NEMP2: variants seen among roughly 807,000 people sequenced by gnomAD.
NEMP2 encodes UPF0571 transmembrane protein.
Under a neutral mutation model 54.2 loss-of-function variants are expected in NEMP2, and 53 were observed. That is an observed-to-expected ratio of 0.98 (90% CI 0.78 to 1.23). The LOEUF (loss-of-function observed/expected upper bound fraction) is 1.23, where lower values mean the gene tolerates loss of function less well. Among genes scored for constraint, NEMP2 ranks in the 50% most tolerant of loss-of-function variants. NEMP2 has a pLI of 0.00. For missense variants in NEMP2, 455 were observed against 511.3 expected (o/e 0.89, Z 1.06); for synonymous variants, 197 against 190.3 (o/e 1.04, Z -0.29).
At chr2:190,488,751 G>C in the NEMP2 span, 1 of 1,610,468 alleles carries the variant, frequency 6.2e-7, no homozygotes, top group South Asian at 1.1e-5. This position sits in a 1 kb window ranked among gnomAD's most constrained non-coding sequence, Gnocchi z 6.4. Context: ...GCATCCTGCA[G>C]GGCCTTCACC....
At chr2:190,627,629 T>C in the NEMP2 span, among the ~76,000 whole-genome samples, 1 of 152,034 alleles carries the variant, frequency 6.6e-6, no homozygotes, top group Admixed American at 6.5e-5. This position sits in a 1 kb window ranked among gnomAD's most constrained non-coding sequence, Gnocchi z 4.4. Flanking sequence ...TCCCAGATTG[T>C]ATTTCCCTCA....
chr2:190,553,994 T>A, the NEMP2 span, among the ~76,000 whole-genome samples: 1 of 152,110 alleles, frequency 6.6e-6, no homozygotes, highest in Admixed American at 6.5e-5. Flanking sequence ...GGTTGGGCAG[T>A]GGGTGCAGCC....
At chr2:190,484,577 G>A in the NEMP2 span, among the ~76,000 whole-genome samples, 10 of 152,204 alleles carry the variant, frequency 6.6e-5, no homozygotes, top group Middle Eastern at 6.8e-3. Flanking sequence ...ATTTTAAAAC[G>A]AGAGAATCAG....
chr2:190,635,223 C>CT, the NEMP2 span, among the ~76,000 whole-genome samples: 16 of 151,930 alleles, frequency 1.1e-4, no homozygotes, highest in Admixed American at 2.0e-4. The surrounding 1 kb of genome is among the most constrained non-coding windows in gnomAD (Gnocchi z 4.1). Context: ...CATCTGCAAT[C>CT]TTTTTTTTAA....
intron 6 of NEMP2, among the ~76,000 whole-genome samples, chr2:190,515,046 G>T (rs1465287523): frequency 6.6e-6 from 1 of 152,114 alleles, no homozygotes. Context: ...TTCTTGTCAT[G>T]AAAGGAAAAG....
the NEMP2 span, among the ~76,000 whole-genome samples, chr2:190,577,276 A>G: frequency 2.6e-5 from 4 of 152,204 alleles, no homozygotes; most frequent in African/African-American, 9.7e-5. This position sits in a 1 kb window ranked among gnomAD's most constrained non-coding sequence, Gnocchi z 4.8. Flanking sequence ...AAATAATCAA[A>G]TCTGTTTCTG....
the NEMP2 span, among the ~76,000 whole-genome samples, chr2:190,576,824 T>C: frequency 4.7e-3 from 709 of 152,310 alleles, 10 homozygotes; most frequent in African/African-American, 0.017. Flanking sequence ...TGGGCAGTTA[T>C]GGCAACGGAA....
At position 190,527,765 on chromosome 2, in the gene NEMP2, T is replaced by C. The variant is rs1440393212; in HGVS notation, c.98-2387A>G. Among the ~76,000 whole-genome samples, 1 of 152,162 alleles carries C rather than the reference T, an allele frequency of 6.6e-6. No homozygotes were observed. The highest frequency in any genetic ancestry group is 1.5e-5 in the Non-Finnish European group (1 of 68,018). ...TCATTACCACCTGAGCTCCACCTCC[T>C]GTCAGATCAGCAGTGGCATTAGATT... On this transcript the variant is annotated intron_variant, in intron 1 of 8. Transcript: ENST00000409150. This position sits in a 1 kb window ranked among gnomAD's most constrained non-coding sequence, Gnocchi z 4.0.
the NEMP2 span, among the ~76,000 whole-genome samples, chr2:190,490,490 G>A: frequency 6.6e-6 from 1 of 151,964 alleles, no homozygotes. This position sits in a 1 kb window ranked among gnomAD's most constrained non-coding sequence, Gnocchi z 4.5. Flanking sequence ...GTGAACCCAG[G>A]AGGTGGAGCT....
At chr2:190,502,333 T>C (rs1457697021), downstream of NEMP2, 1 of 152,240 alleles carries the variant, frequency 6.6e-6, no homozygotes, top group African/African-American at 2.4e-5. This position sits in a 1 kb window ranked among gnomAD's most constrained non-coding sequence, Gnocchi z 4.4. Context: ...TGAGATTTTG[T>C]AACCCCTCTT....
chr2:190,628,637 A>G, the NEMP2 span: 1 of 152,334 alleles, frequency 6.6e-6, no homozygotes, highest in East Asian at 1.9e-4. This position sits in a 1 kb window ranked among gnomAD's most constrained non-coding sequence, Gnocchi z 4.1. Context: ...CTCCAACAGG[A>G]AAGATGTGCA....
the NEMP2 span, among the ~76,000 whole-genome samples, chr2:190,553,110 T>C: frequency 6.6e-6 from 1 of 152,096 alleles, no homozygotes; most frequent in Admixed American, 6.6e-5. Context: ...AAAAGAGCTG[T>C]AACACTAAAA....
rs554422598 is a variant in NEMP2, at chr2:190,522,453, G to A, written c.213+2810C>T. ...CTATGATCTTTTCTGAGAATAAAAA[G>A]GTAAACAAAACTTGTAAACCAAAAA... On this transcript the variant is annotated intron_variant, in intron 2 of 8. Transcript: ENST00000409150. This position sits in a 1 kb window ranked among gnomAD's most constrained non-coding sequence, Gnocchi z 5.0. 6.6e-6 allele frequency among the ~76,000 whole-genome samples: 1 copy of A among 151,798 alleles called. No homozygotes were observed. The highest frequency in any genetic ancestry group is 2.4e-5 in the African/African-American group (1 of 41,282).
the NEMP2 span, chr2:190,436,650 T>C: frequency 2.5e-6 from 4 of 1,614,092 alleles, no homozygotes; most frequent in African/African-American, 5.3e-5. The surrounding 1 kb of genome is among the most constrained non-coding windows in gnomAD (Gnocchi z 5.3). Flanking sequence ...CAAGGCTCAA[T>C]GTCTCAGACA....
the NEMP2 span, among the ~76,000 whole-genome samples, chr2:190,563,307 T>C: frequency 6.6e-6 from 1 of 152,048 alleles, no homozygotes; most frequent in African/African-American, 2.4e-5. The surrounding 1 kb of genome is among the most constrained non-coding windows in gnomAD (Gnocchi z 4.3). Context: ...CTCAACCACC[T>C]TCTTGTTTGT....
At chr2:190,438,409 G>A in the NEMP2 span, among the ~76,000 whole-genome samples, 4 of 152,108 alleles carry the variant, frequency 2.6e-5, no homozygotes, top group Non-Finnish European at 4.4e-5. This position sits in a 1 kb window ranked among gnomAD's most constrained non-coding sequence, Gnocchi z 5.2. Flanking sequence ...CCAGCTACTC[G>A]GGAGGCTGAC....
chr2:190,625,212 C>T, the NEMP2 span: 1 of 151,976 alleles, frequency 6.6e-6, no homozygotes, highest in African/African-American at 2.4e-5. Flanking sequence ...AAATGTCCAT[C>T]AGCTGATGAA....
At chr2:190,575,961 G>T in the NEMP2 span, among the ~76,000 whole-genome samples, 1 of 151,354 alleles carries the variant, frequency 6.6e-6, no homozygotes, top group African/African-American at 2.4e-5. Context: ...TGAGTACTGT[G>T]AAATGTTTCT....
chr2:190,539,324 C>T (rs570447103), upstream of NEMP2, among the ~76,000 whole-genome samples: 1 of 152,262 alleles, frequency 6.6e-6, no homozygotes, highest in South Asian at 2.1e-4. The surrounding 1 kb of genome is among the most constrained non-coding windows in gnomAD (Gnocchi z 4.1). Flanking sequence ...TTTGTTATGC[C>T]AGTACCCTTC....
Sources: gnomAD v4.1 joint callset for allele counts (sites outside exome capture counted in the v4.1 genomes callset) on GRCh38, gnomAD v4.1.1 for gene constraint, Gnocchi (gnomAD v3.1) non-coding constraint, MANE v1.5 for transcripts, NCBI Gene and HGNC (gene_info 2026-07-23, HGNC 2026-07-21) for gene names.